Variants in CYB5R3 observed in about 807,000 individuals in gnomAD.
CYB5R3 encodes the protein NADH-cytochrome b5 reductase 3.
A neutral mutation model predicts 36.5 loss-of-function variants in CYB5R3; 28 were observed. The observed-to-expected ratio is 0.77, with a 90% CI of 0.57 to 1.05. CYB5R3 has a LOEUF of 1.05. Ranked by LOEUF, CYB5R3 falls within the 50% of genes least tolerant of loss-of-function variation. CYB5R3 has a pLI of 0.00. For missense variants in CYB5R3, 474 were observed against 408.9 expected (o/e 1.16, Z -1.37); for synonymous variants, 181 against 159.8 (o/e 1.13, Z -1.00).
Position 42,649,368 on chromosome 22 carries a change from G to A in CYB5R3, c.-53C>T. On this transcript the variant is annotated 5_prime_UTR_variant, in exon 1 of 9. It adds an upstream start codon to the 5' untranslated region. Transcript: ENST00000352397. Reference sequence around the variant, plus strand: ...CGCCGCCGCCGCCGCCGCCGAGACCGTCGCGCCCGGGCCCGCGTCACTCCG... The same window carrying A: ...CGCCGCCGCCGCCGCCGCCGAGACCATCGCGCCCGGGCCCGCGTCACTCCG... The A allele has an allele frequency of 1.5e-6, 1 of 685,010 alleles. No individual in the cohort carries two copies. Among genetic ancestry groups the A allele is most frequent in the Admixed American group, 5.5e-5 (1 of 18,158 alleles). The allele number at this position is 685,010 out of a possible 1,614,324, so 42.4% of individuals were successfully genotyped here.
chr22:42,639,877 A>G, intron 1 of CYB5R3: 6 of 1,329,956 alleles, frequency 4.5e-6, no homozygotes, highest in Non-Finnish European at 6.0e-6. Flanking sequence ...GACAAATCTT[A>G]TTTTATTCAG....
intron 1 of CYB5R3, among the ~76,000 whole-genome samples, chr22:42,637,078 G>A (rs1453397237): frequency 6.6e-6 from 1 of 152,186 alleles, no homozygotes; most frequent in African/African-American, 2.4e-5. Context: ...TCTATGCTCA[G>A]TACCATGAGA....
At chr22:42,634,648 C>T (rs1170291931) in intron 2 of CYB5R3, among the ~76,000 whole-genome samples, 1 of 135,100 alleles carries the variant, frequency 7.4e-6, no homozygotes, top group African/African-American at 2.7e-5. Flanking sequence ...TTGATTGAGA[C>T]AGCGTCTTGC....
intron 2 of CYB5R3, among the ~76,000 whole-genome samples, chr22:42,635,340 A>C (rs954344742): frequency 1.3e-5 from 2 of 148,548 alleles, no homozygotes; most frequent in African/African-American, 5.0e-5. Flanking sequence ...TCCTGACCTC[A>C]TGATCTGCCC....
At chr22:42,639,948 T>C (rs1007096168) in intron 1 of CYB5R3, 6 of 1,603,382 alleles carry the variant, frequency 3.7e-6, no homozygotes, top group Non-Finnish European at 5.1e-6. Context: ...TATAATCAGA[T>C]GTTAAGACTG....
At chr22:42,622,312 T>C (rs1928020159) in intron 8 of CYB5R3, among the ~76,000 whole-genome samples, 1 of 152,106 alleles carries the variant, frequency 6.6e-6, no homozygotes, top group Non-Finnish European at 1.5e-5. Flanking sequence ...TGGCTCTGCT[T>C]GGCCCCCCAC....
chr22:42,619,423 T>C lies in CYB5R3; in HGVS notation c.*350A>G. On this transcript the variant is annotated 3_prime_UTR_variant, in exon 9 of 9. Coordinates refer to ENST00000352397, the MANE Select transcript of CYB5R3 (RefSeq NM_000398.7). ...GTGTCTGCTGACATCCCGACTATGGTCCACGGCCGGGAATGGTGGGCAGAC... is the reference window on the plus strand; with the variant it reads ...GTGTCTGCTGACATCCCGACTATGGCCCACGGCCGGGAATGGTGGGCAGAC... The C allele has an allele frequency of 6.8e-6, 2 of 295,856 alleles. No homozygotes were observed. Among genetic ancestry groups the C allele is most frequent in the Non-Finnish European group, 1.3e-5 (2 of 153,308 alleles). The allele number at this position is 295,856 out of a possible 1,614,324, so 18.3% of individuals were successfully genotyped here. A position where few individuals can be genotyped will look rare whatever the true frequency, so the allele number is the denominator to read the frequency against.
intron 1 of CYB5R3, among the ~76,000 whole-genome samples, chr22:42,647,854 G>C (rs1348464251): frequency 6.6e-6 from 1 of 152,048 alleles, no homozygotes; most frequent in Non-Finnish European, 1.5e-5. Context: ...CTGGGTGAGA[G>C]ACTCTTCTCA....
intron 2 of CYB5R3, among the ~76,000 whole-genome samples, chr22:42,633,953 CCAATAA>C (rs2146888649): frequency 6.6e-6 from 1 of 152,182 alleles, no homozygotes; most frequent in East Asian, 1.9e-4. Context: ...AAACAACCCA[CCAATAA>C]CAATAACAAG....
rs372985168 is a variant in CYB5R3 at position 42,619,356 on chromosome 22, C to A, written c.*417G>T. The A allele has an allele frequency of 2.5e-5, 5 of 201,818 alleles. No homozygotes were observed. Among genetic ancestry groups the A allele is most frequent in the Middle Eastern group, 4.3e-3 (2 of 470 alleles). The allele number at this position is 201,818 out of a possible 1,614,324, so 12.5% of individuals were successfully genotyped here. A position where few individuals can be genotyped will look rare whatever the true frequency, so the allele number is the denominator to read the frequency against. On this transcript the variant is annotated 3_prime_UTR_variant, in exon 9 of 9. Coordinates refer to ENST00000352397, the MANE Select transcript of CYB5R3 (RefSeq NM_000398.7). ...GCGGGAGTGGGGGTGACAGGCGAGG[C>A]TGGGGTGGGCCCTGGCACCTGCAGC...
Position 42,640,100 on chromosome 22 carries a change from TACTG to T in CYB5R3, c.22-3258_22-3255del, listed in dbSNP as rs757091725. 2.9e-4 allele frequency: 462 copies of T among 1,613,942 alleles called. 2 individuals carry two copies. Among genetic ancestry groups the T allele is most frequent in the South Asian group, 3.2e-4 (29 of 91,084 alleles). ...TGTTTGAAGCTACCAGTCTGAGCACTACTGACTATTTTTTTCAGGCTCTGAATAG... is the reference window on the plus strand; with the variant it reads ...TGTTTGAAGCTACCAGTCTGAGCACTACTATTTTTTTCAGGCTCTGAATAG... On this transcript the variant is annotated intron_variant, in intron 1 of 8. Coordinates refer to ENST00000352397, the MANE Select transcript of CYB5R3 (RefSeq NM_000398.7).
chr22:42,647,438 T>C (rs543179657), intron 1 of CYB5R3, among the ~76,000 whole-genome samples: 76 of 152,214 alleles, frequency 5.0e-4, no homozygotes, highest in Non-Finnish European at 9.3e-4. Flanking sequence ...TAGCAAGACA[T>C]TGTCTCCATT....
chr22:42,627,077 G>A (rs982656167), intron 7 of CYB5R3, among the ~76,000 whole-genome samples: 3 of 152,170 alleles, frequency 2.0e-5, no homozygotes, highest in Non-Finnish European at 4.4e-5. Context: ...TGCTCAGGGA[G>A]CTCCCCGCAA....
At chr22:42,639,419 G>A (rs1037764840) in intron 1 of CYB5R3, among the ~76,000 whole-genome samples, 2 of 152,012 alleles carry the variant, frequency 1.3e-5, no homozygotes, top group African/African-American at 4.8e-5. Flanking sequence ...CCTGAGGTCA[G>A]GAGTTGGAGA....
In CYB5R3 at chr22:42,649,361, C is replaced by G; in HGVS notation, c.-46G>C. ...GCTCTGTCGCCGCCGCCGCCGCCGC[C>G]GAGACCGTCGCGCCCGGGCCCGCGT... On this transcript the variant is annotated 5_prime_UTR_variant, in exon 1 of 9. Transcript: ENST00000352397. The G allele has an allele frequency of 1.3e-6, 1 of 754,464 alleles. No homozygotes were observed. The highest frequency in any genetic ancestry group is 1.6e-6 in the Non-Finnish European group (1 of 607,230). 46.7% of individuals were successfully genotyped at this position (754,464 alleles called of 1,614,324 possible). A position where few individuals can be genotyped will look rare whatever the true frequency, so the allele number is the denominator to read the frequency against.
intron 7 of CYB5R3, 88 bp downstream of exon 7, chr22:42,627,216 G>T: frequency 9.1e-7 from 1 of 1,101,626 alleles, no homozygotes; most frequent in Non-Finnish European, 1.4e-6. Flanking sequence ...CAGCAGAGCT[G>T]TGCAGACCCC....
Position 42,619,505 on chromosome 22 carries a change from T to G in CYB5R3, c.*268A>C. The G allele has an allele frequency of 1.9e-6, 1 of 535,406 alleles. No homozygotes were observed. The highest frequency in any genetic ancestry group is 3.4e-6 in the Non-Finnish European group (1 of 295,676). The allele number at this position is 535,406 out of a possible 1,614,324, so 33.2% of individuals were successfully genotyped here. Reference sequence around the variant, plus strand: ...TGTGTGGGGGGTGGACGAGGGGTCATGAGGACAGGGATGGGGCTGGGCGTC... The same window carrying G: ...TGTGTGGGGGGTGGACGAGGGGTCAGGAGGACAGGGATGGGGCTGGGCGTC... On this transcript the variant is annotated 3_prime_UTR_variant, in exon 9 of 9. Transcript: ENST00000352397.
chr22:42,622,745 C>T (rs1462781395), intron 8 of CYB5R3, among the ~76,000 whole-genome samples: 3 of 152,210 alleles, frequency 2.0e-5, no homozygotes, highest in Non-Finnish European at 2.9e-5. Flanking sequence ...GCATGCACCC[C>T]CTGACATGGA....
chr22:42,631,528 C>G, intron 2 of CYB5R3, 78 bp from the exon 3 acceptor site: 1 of 1,248,966 alleles, frequency 8.0e-7, no homozygotes, highest in Non-Finnish European at 1.1e-6. Flanking sequence ...TCGGAGCCCC[C>G]ATCCCATTCC....
Sources: allele counts gnomAD v4.1 joint callset (sites outside exome capture counted in the v4.1 genomes callset), GRCh38; gene constraint gnomAD v4.1.1; transcripts MANE v1.5; gene names NCBI Gene and HGNC (gene_info 2026-07-23, HGNC 2026-07-21).